Variants in SCP2 observed in about 807,000 individuals in gnomAD.
The protein encoded by SCP2 is SCP-2/3-oxoacyl-CoA thiolase.
Under a neutral mutation model 71.4 loss-of-function variants are expected in SCP2, and 48 were observed. That is an observed-to-expected ratio of 0.67 (90% CI 0.53 to 0.86). The LOEUF is 0.86. Ranked by LOEUF, SCP2 falls within the 40% of genes least tolerant of loss-of-function variation. The pLI is 0.00. For synonymous variants in SCP2, 220 were observed against 218.1 expected, an observed-to-expected ratio of 1.01 and a Z score of -0.08; for missense variants, 560 against 655.6, an observed-to-expected ratio of 0.85 and a Z score of 1.59.
chr1:52,991,548 G>A (rs1053148743), intron 11 of SCP2, among the ~76,000 whole-genome samples: 1 of 152,142 alleles, frequency 6.6e-6, no homozygotes, highest in Admixed American at 6.5e-5. Context: ...TTATGGGCAT[G>A]TGCCACCACG....
chr1:53,011,906 A>G (rs966851299), intron 11 of SCP2, among the ~76,000 whole-genome samples: 1 of 152,186 alleles, frequency 6.6e-6, no homozygotes, highest in African/African-American at 2.4e-5. Context: ...GTTAGGGCTT[A>G]GAAAACAATA....
intron 11 of SCP2, among the ~76,000 whole-genome samples, chr1:53,003,806 C>T (rs1026871290): frequency 1.7e-4 from 26 of 152,144 alleles, no homozygotes; most frequent in Non-Finnish European, 2.8e-4. Context: ...GGATTACAGG[C>T]GTGAGTCACC....
rs35164089 is a variant in SCP2 at position 53,036,019 on chromosome 1, C to CAAAAAAAA, written c.1339-2884_1339-2877dup. 4.7e-5 allele frequency among the ~76,000 whole-genome samples: 3 copies of CAAAAAAAA among 63,280 alleles called. 1 individual carries two copies. The highest frequency in any genetic ancestry group is 1.0e-4 in the African/African-American group (2 of 19,526). The allele number at this position is 63,280 out of a possible 152,430, so 41.5% of individuals were successfully genotyped here. On this transcript the variant is annotated intron_variant, in intron 13 of 15. Coordinates refer to ENST00000371514, the MANE Select transcript of SCP2 (RefSeq NM_002979.5). ...TGGGCGACAGAGCGAGACTCCGTCT[C>CAAAAAAAA]AAAAAAAAAAAAAAAAAAAAAGAAA...
intron 11 of SCP2, among the ~76,000 whole-genome samples, chr1:53,003,755 G>A (rs1660463975): frequency 1.3e-5 from 2 of 152,098 alleles, no homozygotes; most frequent in Non-Finnish European, 2.9e-5. Context: ...TCAAACTCCT[G>A]GGCTCAAGTG....
chr1:52,961,413 A>G (rs1656433626), intron 5 of SCP2, 90 bp from the exon 6 acceptor site: 2 of 1,362,680 alleles, frequency 1.5e-6, no homozygotes, highest in South Asian at 1.2e-5. Context: ...ATGTGCTTAG[A>G]ATAAATAAAT....
At chr1:53,025,132 C>T (rs1241423677) in intron 12 of SCP2, among the ~76,000 whole-genome samples, 1 of 152,178 alleles carries the variant, frequency 6.6e-6, no homozygotes, top group Non-Finnish European at 1.5e-5. Context: ...GTCATCTGTA[C>T]TCTCCATGTG....
intron 11 of SCP2, chr1:52,994,290 A>G: frequency 1.0e-6 from 1 of 998,132 alleles, no homozygotes; most frequent in Non-Finnish European, 1.2e-6. Context: ...TCCTCCTTTC[A>G]GACAGCTTCC....
intron 4 of SCP2, among the ~76,000 whole-genome samples, chr1:52,951,976 C>T (rs992147390): frequency 6.6e-6 from 1 of 152,112 alleles, no homozygotes; most frequent in Admixed American, 6.5e-5. Context: ...ACCTTGGCCT[C>T]ACAAAGTGCT....
rs200260204 is a variant in SCP2, at chr1:53,023,553, GA to G, written c.1236-4415del. Reference sequence around the variant, plus strand: ...ATTTGCTGGGAACTGGCAATACAGAGATTTTTTTTAAAGAAAAGGTATGGTA... The same window carrying G: ...ATTTGCTGGGAACTGGCAATACAGAGTTTTTTTTAAAGAAAAGGTATGGTA... On this transcript the variant is annotated intron_variant, in intron 12 of 15. Coordinates refer to ENST00000371514, the MANE Select transcript of SCP2 (RefSeq NM_002979.5). Among the ~76,000 whole-genome samples the G allele has an allele frequency of 4.1e-4, 63 of 152,252 alleles. 1 individual carries two copies. The East Asian group carries it at 9.1e-3, about 22-fold the overall frequency.
At position 52,980,383 on chromosome 1, in the gene SCP2, G is replaced by T. The variant is rs758618108; in HGVS notation, c.826-13G>T. ...TTTTGGTGCCCTTTATTTATATATG[G>T]TTTTGGTTTTAGGTTGGCTTTGATA... On this transcript the variant is annotated splice_polypyrimidine_tract_variant and intron_variant, in intron 9 of 15. Transcript: ENST00000371514. 1 of 1,613,074 alleles carries T rather than the reference G, an allele frequency of 6.2e-7. No homozygotes were observed. Among genetic ancestry groups the T allele is most frequent in the Non-Finnish European group, 8.5e-7 (1 of 1,179,572 alleles).
intron 5 of SCP2, among the ~76,000 whole-genome samples, chr1:52,960,516 G>A (rs374057189): frequency 0.018 from 2,077 of 117,028 alleles, 44 homozygotes; most frequent in African/African-American, 0.06. Context: ...GTGTGTGTGT[G>A]TGTATATGTG....
In SCP2 at chr1:52,967,836, C is replaced by T. The variant is rs144229868; in HGVS notation, c.523+6207C>T. Among the ~76,000 whole-genome samples, 447 of 152,216 alleles carry T rather than the reference C, an allele frequency of 2.9e-3. 4 individuals carry two copies. The highest frequency in any genetic ancestry group is 9.9e-3 in the African/African-American group (412 of 41,522). On this transcript the variant is annotated intron_variant, in intron 6 of 15. Coordinates refer to ENST00000371514, the MANE Select transcript of SCP2 (RefSeq NM_002979.5). ...TTGCTTTCTTTGTACAACAGGTTTC[C>T]GATGTTCCTATAGATAATCACAAGG...
intron 11 of SCP2, among the ~76,000 whole-genome samples, chr1:53,014,310 G>T (rs893694514): frequency 2.0e-5 from 3 of 152,098 alleles, no homozygotes; most frequent in Non-Finnish European, 4.4e-5. Context: ...TCTGAAATTA[G>T]CCTGCTTTGT....
At chr1:52,929,197 CT>C (rs11438037) in intron 1 of SCP2, among the ~76,000 whole-genome samples, 4,821 of 135,828 alleles carry the variant, frequency 0.035, 243 homozygotes, top group African/African-American at 0.12. Context: ...CACTGTAACA[CT>C]TTTTTTTTTT....
At chr1:52,939,893 T>G (rs1298835880) in intron 1 of SCP2, among the ~76,000 whole-genome samples, 2 of 151,950 alleles carry the variant, frequency 1.3e-5, no homozygotes, top group Non-Finnish European at 2.9e-5. Context: ...TGGTCTCGAA[T>G]TCCTGACCTC....
chr1:52,984,665 G>A lies in SCP2; in HGVS notation c.974-3364G>A, dbSNP rs577386520. On this transcript the variant is annotated intron_variant, in intron 10 of 15. Coordinates refer to ENST00000371514, the MANE Select transcript of SCP2 (RefSeq NM_002979.5). ...TGATTCTCCTGCCTCAGCCTCCCGA[G>A]TAGCTGGGATTGCAGGCATGCGCCA... Among the ~76,000 whole-genome samples, 3 of 151,798 alleles carry A rather than the reference G, an allele frequency of 2.0e-5. No homozygotes were observed. The East Asian group carries it at 5.8e-4, about 29-fold the overall frequency.
intron 10 of SCP2, among the ~76,000 whole-genome samples, chr1:52,987,014 T>A (rs1239654966): frequency 0.019 from 2,437 of 125,788 alleles, 38 homozygotes; most frequent in African/African-American, 0.05. Flanking sequence ...ATATTTTTTT[T>A]TTTTTTTTTT....
chr1:52,951,415 A>G (rs763500938), intron 4 of SCP2, among the ~76,000 whole-genome samples: 255 of 151,790 alleles, frequency 1.7e-3, no homozygotes, highest in Middle Eastern at 3.4e-3. Context: ...AGCCTGGGCA[A>G]CGTAGTTAGA....
At chr1:52,956,902 C>CTTTTTTTTTTTT (rs370787153) in intron 5 of SCP2, among the ~76,000 whole-genome samples, 1 of 105,900 alleles carries the variant, frequency 9.4e-6, no homozygotes, top group Non-Finnish European at 1.8e-5. Flanking sequence ...CTCCTTCTGC[C>CTTTTTTTTTTTT]TTTTTTTTTT....
Sources: gnomAD v4.1 joint callset for allele counts (sites outside exome capture counted in the v4.1 genomes callset) on GRCh38, gnomAD v4.1.1 for gene constraint, MANE v1.5 for transcripts, NCBI Gene and HGNC (gene_info 2026-07-23, HGNC 2026-07-21) for gene names.